STX8: variants seen among roughly 807,000 people sequenced by gnomAD.
STX8 encodes the protein syntaxin 8, also known as syntaxin-8.
STX8 carries 23 observed loss-of-function variants against 37.5 expected under a neutral mutation model. The ratio of observed to expected loss-of-function variants is 0.61; its 90% confidence interval spans 0.44 to 0.87. STX8 has a LOEUF of 0.87. STX8 is among the 40% of genes least tolerant of loss of function. STX8 has a pLI of 0.00. For synonymous variants in STX8, 115 were observed against 99.1 expected (o/e 1.16, Z -0.95); for missense variants, 313 against 284.7 (o/e 1.10, Z -0.71).
At chr17:9,281,573 G>GT (rs1408265029) in intron 7 of STX8, among the ~76,000 whole-genome samples, 1 of 151,788 alleles carries the variant, frequency 6.6e-6, no homozygotes, top group African/African-American at 2.4e-5. Flanking sequence ...GGGGGGCTGG[G>GT]TGCAGACCCA....
chr17:9,497,687 C>T (rs1005144497), intron 5 of STX8, among the ~76,000 whole-genome samples: 1 of 152,208 alleles, frequency 6.6e-6, no homozygotes, highest in African/African-American at 2.4e-5. Context: ...GCTGCAACTA[C>T]AGTCCCTGGA....
intron 6 of STX8, among the ~76,000 whole-genome samples, chr17:9,441,262 C>A (rs567486339): frequency 6.6e-6 from 1 of 151,874 alleles, no homozygotes; most frequent in African/African-American, 2.4e-5. Context: ...GAGGCCAAGG[C>A]GGGCGGATCA....
rs564022561 is a variant in STX8, at chr17:9,288,148, A to C, written c.644-37503T>G. On this transcript the variant is annotated intron_variant, in intron 7 of 7. Coordinates refer to ENST00000306357, the MANE Select transcript of STX8 (RefSeq NM_004853.3). ...ACAAACAAACAAACAAACAAAAAAAAAAAAAACCAAAAACAAAAAACCAAC... is the reference window on the plus strand; with the variant it reads ...ACAAACAAACAAACAAACAAAAAAACAAAAAACCAAAAACAAAAAACCAAC... 1.3e-3 allele frequency among the ~76,000 whole-genome samples: 195 copies of C among 148,264 alleles called. 1 individual carries two copies. The highest frequency in any genetic ancestry group is 2.9e-3 in the African/African-American group (117 of 40,518).
chr17:9,505,209 C>G (rs758944869), intron 4 of STX8, 47 bp from the exon 5 acceptor site: 1 of 1,568,124 alleles, frequency 6.4e-7, no homozygotes, highest in Non-Finnish European at 8.7e-7. Flanking sequence ...ACATGCAGCT[C>G]AAATGCAAAT....
intron 6 of STX8, among the ~76,000 whole-genome samples, chr17:9,480,401 C>G (rs919918138): frequency 2.6e-5 from 4 of 151,600 alleles, no homozygotes; most frequent in African/African-American, 4.9e-5. Context: ...TTTATTTAAT[C>G]TAGATTAAAG....
At chr17:9,566,573 G>A (rs2151918336) in intron 2 of STX8, among the ~76,000 whole-genome samples, 1 of 152,284 alleles carries the variant, frequency 6.6e-6, no homozygotes, top group Middle Eastern at 3.4e-3. Flanking sequence ...GATCACCTGA[G>A]GTCAGGTGTT....
chr17:9,292,219 T>C (rs946309644), intron 7 of STX8, among the ~76,000 whole-genome samples: 1 of 152,158 alleles, frequency 6.6e-6, no homozygotes, highest in Non-Finnish European at 1.5e-5. Context: ...GACAAATAAA[T>C]GGGTACTAAA....
chr17:9,336,313 A>T (rs1910137107), intron 7 of STX8, among the ~76,000 whole-genome samples: 1 of 152,140 alleles, frequency 6.6e-6, no homozygotes, highest in Non-Finnish European at 1.5e-5. Flanking sequence ...ATAGGTGCAA[A>T]ACGACCATGC....
At chr17:9,366,820 C>T (rs1162402939) in intron 7 of STX8, among the ~76,000 whole-genome samples, 1 of 151,892 alleles carries the variant, frequency 6.6e-6, no homozygotes, top group Non-Finnish European at 1.5e-5. Flanking sequence ...CAGTGGTGTT[C>T]AATAAATGAT....
At chr17:9,473,266 G>A (rs1171755176) in intron 6 of STX8, among the ~76,000 whole-genome samples, 1 of 152,016 alleles carries the variant, frequency 6.6e-6, no homozygotes, top group Admixed American at 6.6e-5. Context: ...TGATCTGCCC[G>A]TCTTGGCCTC....
intron 6 of STX8, among the ~76,000 whole-genome samples, chr17:9,406,272 T>C (rs908725282): frequency 2.0e-5 from 3 of 152,184 alleles, no homozygotes; most frequent in African/African-American, 4.8e-5. Flanking sequence ...ATGGGTCCCA[T>C]GGTGTTGTTC....
At chr17:9,479,051 A>G (rs967246186) in intron 6 of STX8, among the ~76,000 whole-genome samples, 7 of 152,136 alleles carry the variant, frequency 4.6e-5, no homozygotes, top group African/African-American at 1.7e-4. Flanking sequence ...TTTAGTTGTT[A>G]TTGCTGTTTT....
intron 3 of STX8, among the ~76,000 whole-genome samples, chr17:9,552,449 CA>C (rs1329141502): frequency 6.6e-6 from 1 of 152,180 alleles, no homozygotes; most frequent in Non-Finnish European, 1.5e-5. Context: ...AACCAATAGA[CA>C]GGGACAGTGT....
At chr17:9,445,473 C>T (rs1014268771) in intron 6 of STX8, among the ~76,000 whole-genome samples, 1 of 51,744 alleles carries the variant, frequency 1.9e-5, no homozygotes, top group Admixed American at 2.3e-4. Context: ...TTTTAGAATG[C>T]GAAGAGTGGT....
chr17:9,545,343 A>G (rs1212601723), intron 3 of STX8, 61 bp from the exon 4 acceptor site: 1 of 1,233,602 alleles, frequency 8.1e-7, no homozygotes, highest in Admixed American at 1.8e-5. Flanking sequence ...CTATTACATT[A>G]TTAAGTTAGC....
chr17:9,409,798 A>G (rs1007249149), intron 6 of STX8, among the ~76,000 whole-genome samples: 13 of 152,230 alleles, frequency 8.5e-5, no homozygotes, highest in Admixed American at 8.5e-4. Flanking sequence ...GGGGGGAAAA[A>G]AAGCCAGGTC....
At chr17:9,263,204 C>T (rs960943558) in intron 7 of STX8, among the ~76,000 whole-genome samples, 115 of 150,682 alleles carry the variant, frequency 7.6e-4, no homozygotes, top group African/African-American at 2.8e-3. Flanking sequence ...CGGGTGCGTG[C>T]GGTGGCTCAC....
intron 6 of STX8, among the ~76,000 whole-genome samples, chr17:9,467,616 A>G (rs1159519902): frequency 6.6e-6 from 1 of 152,212 alleles, no homozygotes; most frequent in Non-Finnish European, 1.5e-5. Flanking sequence ...AAAGAACACC[A>G]TGAAGGTGAC....
intron 2 of STX8, among the ~76,000 whole-genome samples, chr17:9,566,510 G>A (rs1219697549): frequency 6.6e-6 from 1 of 152,064 alleles, no homozygotes; most frequent in Non-Finnish European, 1.5e-5. Flanking sequence ...CATGTGGCCA[G>A]GTGGGGTGGC....
Sources: allele counts gnomAD v4.1 joint callset (sites outside exome capture counted in the v4.1 genomes callset), GRCh38; gene constraint gnomAD v4.1.1; transcripts MANE v1.5; gene names NCBI Gene and HGNC (gene_info 2026-07-23, HGNC 2026-07-21).